Variants in ACSM4 observed in about 807,000 individuals in gnomAD.
ACSM4 encodes the protein acyl-CoA synthetase medium chain family member 4.
Under a neutral mutation model 73.0 loss-of-function variants are expected in ACSM4, and 66 were observed. The ratio of observed to expected loss-of-function variants is 0.90; its 90% CI spans 0.74 to 1.11. The LOEUF is 1.11. ACSM4 is among the 50% of genes least tolerant of loss of function. ACSM4 has a pLI of 0.00. For missense variants in ACSM4, 645 were observed against 714.4 expected (o/e 0.90, Z 1.11); for synonymous variants, 222 against 254.0 (o/e 0.87, Z 1.20).
At chr12:7,314,017 C>T (rs1194234312) in intron 3 of ACSM4, among the ~76,000 whole-genome samples, 1 of 152,122 alleles carries the variant, frequency 6.6e-6, no homozygotes, top group Non-Finnish European at 1.5e-5. Flanking sequence ...AAACTGGAAT[C>T]AGAGAGGCCA....
intron 1 of ACSM4, among the ~76,000 whole-genome samples, chr12:7,304,777 G>C (rs753022872): frequency 6.6e-6 from 1 of 152,274 alleles, no homozygotes; most frequent in African/African-American, 2.4e-5. Context: ...ACAGAGTTCT[G>C]CCTCTTTTCC....
At chr12:7,305,374 C>T (rs757787023) in intron 1 of ACSM4, among the ~76,000 whole-genome samples, 1 of 151,934 alleles carries the variant, frequency 6.6e-6, no homozygotes, top group African/African-American at 2.4e-5. Context: ...AATGTATACA[C>T]GTAAAAAGTA....
At chr12:7,326,197 C>A (rs927714571) in intron 11 of ACSM4, among the ~76,000 whole-genome samples, 2 of 151,994 alleles carry the variant, frequency 1.3e-5, no homozygotes, top group African/African-American at 4.8e-5. Context: ...AGGTTTTTGG[C>A]TTTTGGCTTT....
At chr12:7,313,138 G>T (rs1174633805) in intron 3 of ACSM4, among the ~76,000 whole-genome samples, 1 of 152,094 alleles carries the variant, frequency 6.6e-6, no homozygotes, top group Non-Finnish European at 1.5e-5. Flanking sequence ...CACACTCCCT[G>T]AGCAGCAAGC....
chr12:7,328,555 G>A lies in ACSM4; in HGVS notation c.*182G>A, dbSNP rs1019356384. On this transcript the variant is annotated 3_prime_UTR_variant, in exon 13 of 13. Coordinates refer to ENST00000399422, the MANE Select transcript of ACSM4 (RefSeq NM_001080454.2). Reference sequence around the variant, plus strand: ...AAAAGTAAATAAAAGCCTCAAAAACGTATGGATGAAAATTGTTATAATGAC... The same window carrying A: ...AAAAGTAAATAAAAGCCTCAAAAACATATGGATGAAAATTGTTATAATGAC... 5.6e-5 allele frequency: 21 copies of A among 375,016 alleles called. No individual in the cohort carries two copies. Among genetic ancestry groups the A allele is most frequent in the Middle Eastern group, 7.6e-4 (1 of 1,324 alleles). The allele number at this position is 375,016 out of a possible 1,614,324, so 23.2% of individuals were successfully genotyped here. A position where few individuals can be genotyped will look rare whatever the true frequency, so the allele number is the denominator to read the frequency against.
chr12:7,328,251 A>T, intron 12 of ACSM4, 36 bp from the exon 13 acceptor site: 1 of 1,487,356 alleles, frequency 6.7e-7, no homozygotes, highest in Non-Finnish European at 9.2e-7. Context: ...GAAGGATGGA[A>T]TCAAGTGTCT....
chr12:7,315,195 CA>C (rs750480186), intron 3 of ACSM4, among the ~76,000 whole-genome samples: 3,936 of 85,738 alleles, frequency 0.046, 31 homozygotes, highest in Middle Eastern at 0.045. Flanking sequence ...AACTCCGTCT[CA>C]AAAAAAAAAA....
At chr12:7,313,354 C>G (rs1946401483) in intron 3 of ACSM4, among the ~76,000 whole-genome samples, 1 of 152,102 alleles carries the variant, frequency 6.6e-6, no homozygotes, top group African/African-American at 2.4e-5. Flanking sequence ...TGTCATAACT[C>G]CAAAAAGGCC....
At chr12:7,313,194 T>C (rs1317528931) in intron 3 of ACSM4, among the ~76,000 whole-genome samples, 1 of 152,190 alleles carries the variant, frequency 6.6e-6, no homozygotes, top group Non-Finnish European at 1.5e-5. Context: ...TGCAATAATC[T>C]ATTGAGTCCC....
rs139422294 is a variant in ACSM4 at position 7,317,141 on chromosome 12, G to A, written c.625G>A (p.Ala209Thr). ...CTTGGGGTCCATATTTTGCAGATTC[G>A]CCTCTGAAGAGCACAGCTGTGTGGA... Reference protein sequence around the residue: ...WLSFQELFQFASEEHSCVETG... With the variant: ...WLSFQELFQFTSEEHSCVETG... Residue 209 changes from alanine (A) to threonine (T), a missense_variant, in exon 4 of 13, where the codon GCC (alanine) becomes ACC (threonine). By Grantham distance (58) the Ala-to-Thr change is moderately conservative (BLOSUM62 0). Coordinates refer to ENST00000399422, the MANE Select transcript of ACSM4 (RefSeq NM_001080454.2). 4.3e-4 allele frequency: 696 copies of A among 1,607,776 alleles called. 2 individuals carry two copies. The East Asian group carries it at 0.011, about 25-fold the overall frequency.
chr12:7,326,558 G>T (rs1591847986), intron 11 of ACSM4, among the ~76,000 whole-genome samples: 1 of 152,202 alleles, frequency 6.6e-6, no homozygotes, highest in African/African-American at 2.4e-5. Context: ...CCTCCGTTGA[G>T]ACCCTCCAAA....
intron 5 of ACSM4, among the ~76,000 whole-genome samples, chr12:7,319,599 A>AG (rs1258656202): frequency 2.0e-5 from 3 of 151,638 alleles, no homozygotes; most frequent in African/African-American, 7.3e-5. Flanking sequence ...CAAAAAAAAA[A>AG]AAAAAAGAAA....
intron 3 of ACSM4, among the ~76,000 whole-genome samples, chr12:7,313,569 T>C (rs1946402382): frequency 6.6e-6 from 1 of 152,196 alleles, no homozygotes; most frequent in Non-Finnish European, 1.5e-5. Context: ...TTCCAGAATA[T>C]TCATAATAGG....
chr12:7,322,509 G>T lies in ACSM4; in HGVS notation c.1093G>T (p.Glu365Ter). The part of the protein sequence containing the change: ...LEQWRVQTGL[E>*]LYEGYGQTEV... Reference sequence around the variant, plus strand: ...GCAGTGGAGGGTGCAAACTGGGCTGGAGCTATATGAGGGCTATGGACAGAC... The same window carrying T: ...GCAGTGGAGGGTGCAAACTGGGCTGTAGCTATATGAGGGCTATGGACAGAC... Residue 365 changes from glutamate to a stop codon, truncating the protein, a stop_gained, in exon 7 of 13, where the codon GAG becomes TAG. Coordinates refer to ENST00000399422, the MANE Select transcript of ACSM4 (RefSeq NM_001080454.2). LOFTEE classifies it high-confidence loss of function. The T allele has an allele frequency of 1.2e-6, 2 of 1,613,888 alleles. No individual in the cohort carries two copies. The highest frequency in any genetic ancestry group is 1.3e-5 in the African/African-American group (1 of 75,038).
At chr12:7,314,157 A>C (rs1016378654) in intron 3 of ACSM4, among the ~76,000 whole-genome samples, 1 of 152,194 alleles carries the variant, frequency 6.6e-6, no homozygotes, top group African/African-American at 2.4e-5. Flanking sequence ...AGATGAAGGA[A>C]GAAGGAGTCA....
rs1946348485 is a variant in ACSM4, at chr12:7,304,280, C to T, written c.-52C>T. 1.9e-6 allele frequency: 3 copies of T among 1,554,102 alleles called. No individual in the cohort carries two copies. Among genetic ancestry groups the T allele is most frequent in the Admixed American group, 3.4e-5 (2 of 59,506 alleles). ...GATACTCTCTATCCATCTCTCCCTACAGGCTGTAGTACTTCTGTGTCCATA... is the reference window on the plus strand; with the variant it reads ...GATACTCTCTATCCATCTCTCCCTATAGGCTGTAGTACTTCTGTGTCCATA... On this transcript the variant is annotated 5_prime_UTR_variant, in exon 1 of 13. It introduces an in-frame stop codon into an upstream open reading frame of the 5' UTR. Coordinates refer to ENST00000399422, the MANE Select transcript of ACSM4 (RefSeq NM_001080454.2).
chr12:7,322,497 C>A lies in ACSM4; in HGVS notation c.1081C>A (p.Gln361Lys), dbSNP rs745635896. The A allele has an allele frequency of 6.2e-7, 1 of 1,613,838 alleles. No individual in the cohort carries two copies. The highest frequency in any genetic ancestry group is 1.1e-5 in the South Asian group (1 of 91,080). ...AGAAGTGCTGGAGCAGTGGAGGGTG[C>A]AAACTGGGCTGGAGCTATATGAGGG... ...NPEVLEQWRV[Q>K]TGLELYEGYG... Residue 361 changes from glutamine to lysine, a missense_variant, in exon 7 of 13, where the codon CAA becomes AAA. Transcript: ENST00000399422.
intron 6 of ACSM4, 147 bp from the exon 7 acceptor site, chr12:7,322,271 C>A: frequency 1.9e-6 from 2 of 1,076,224 alleles, no homozygotes; most frequent in Non-Finnish European, 1.4e-6. Context: ...GGCAATATAG[C>A]AGGTGTTCAA....
At chr12:7,322,627 C>G in intron 7 of ACSM4, 86 bp downstream of exon 7, 1 of 1,477,434 alleles carries the variant, frequency 6.8e-7, no homozygotes, top group East Asian at 2.3e-5. Context: ...GTGCCCCCAT[C>G]CCACTGTAAA....
Sources: allele counts gnomAD v4.1 joint callset (sites outside exome capture counted in the v4.1 genomes callset), GRCh38; gene constraint gnomAD v4.1.1; transcripts MANE v1.5; gene names NCBI Gene and HGNC (gene_info 2026-07-23, HGNC 2026-07-21).